Variants in PARD6G observed in about 807,000 individuals in gnomAD.
PARD6G encodes the protein partitioning defective 6 homolog gamma.
A neutral mutation model predicts 10.7 loss-of-function variants in PARD6G; 7 were observed. That is an observed-to-expected ratio of 0.66 (90% CI 0.37 to 1.23). The LOEUF is 1.23. Ranked by LOEUF, PARD6G falls within the 50% of genes most tolerant of loss-of-function variation. The pLI is 0.02. For synonymous variants in PARD6G, 287 were observed against 269.4 expected, an observed-to-expected ratio of 1.07 and a Z score of -0.64; for missense variants, 548 against 571.8, an observed-to-expected ratio of 0.96 and a Z score of 0.42.
chr18:80,190,715 T>C (rs569295659), intron 2 of PARD6G, among the ~76,000 whole-genome samples: 1 of 151,706 alleles, frequency 6.6e-6, no homozygotes, highest in South Asian at 2.1e-4. Flanking sequence ...ATTTGAGGAG[T>C]GGAGGGCAGG....
intron 1 of PARD6G, among the ~76,000 whole-genome samples, chr18:80,213,698 C>T (rs1471519337): frequency 1.3e-5 from 2 of 152,234 alleles, no homozygotes; most frequent in East Asian, 1.9e-4. Flanking sequence ...GTGGCTCACG[C>T]CTGTAATCCC....
chr18:80,215,026 TAA>T (rs57798275), intron 1 of PARD6G, among the ~76,000 whole-genome samples: 92 of 148,784 alleles, frequency 6.2e-4, no homozygotes, highest in Non-Finnish European at 4.9e-4. Context: ...GGCTTCTTGT[TAA>T]AAAAAAAAAA....
In PARD6G at chr18:80,202,909, G is replaced by A. The variant is rs371358745; in HGVS notation, c.96C>T (p.Phe32=). Reference sequence around the variant, plus strand: ...TCCCAGGCTTATGACGGTCCAGAGAGAACCTTCGGAATTCCGCCCCAAACT... The same window carrying A: ...TCCCAGGCTTATGACGGTCCAGAGAAAACCTTCGGAATTCCGCCCCAAACT... ...KSKFGAEFRR[F]SLDRHKPGKF... Residue 32 remains phenylalanine (F), a synonymous_variant, in exon 2 of 3, where the codon TTC becomes TTT. Coordinates refer to ENST00000353265, the MANE Select transcript of PARD6G (RefSeq NM_032510.4). 85 of 1,394,882 alleles carry A rather than the reference G, an allele frequency of 6.1e-5. No homozygotes were observed. The highest frequency in any genetic ancestry group is 7.8e-5 in the Non-Finnish European group (82 of 1,047,182). 86.4% of individuals were successfully genotyped at this position (1,394,882 alleles called of 1,614,324 possible).
chr18:80,203,614 G>A lies in PARD6G; in HGVS notation c.73-682C>T, dbSNP rs183456075. ...GGCATGAAAGGAGAATCCTTCCTCA[G>A]CAAGGTCCCTTGCCTCATCTGTGGT... On this transcript the variant is annotated intron_variant, in intron 1 of 2. Transcript: ENST00000353265. Among the ~76,000 whole-genome samples, 7 of 152,292 alleles carry A rather than the reference G, an allele frequency of 4.6e-5. No homozygotes were observed. In the East Asian group the frequency reaches 1.3e-3, roughly 29 times the overall value.
chr18:80,171,314 C>T (rs1488137016), intron 2 of PARD6G: 1 of 152,176 alleles, frequency 6.6e-6, no homozygotes. Context: ...GTGGGGGTCT[C>T]CACCCTCCTG....
chr18:80,225,501 G>A (rs1466025874), intron 1 of PARD6G, among the ~76,000 whole-genome samples: 1 of 152,148 alleles, frequency 6.6e-6, no homozygotes, highest in Non-Finnish European at 1.5e-5. Context: ...CCCCTTCACA[G>A]TTATCCTGCT....
rs564154233 is a variant in PARD6G at position 80,177,782 on chromosome 18, G to T, written c.296-17176C>A. On this transcript the variant is annotated intron_variant, in intron 2 of 2. Coordinates refer to ENST00000353265, the MANE Select transcript of PARD6G (RefSeq NM_032510.4). ...ACACGCACCCACGAGATAAATCAAT[G>T]CCCAAATGGGAAGCACACACACACA... Among the ~76,000 whole-genome samples, 260 of 150,640 alleles carry T rather than the reference G, an allele frequency of 1.7e-3. 4 individuals are homozygous for T. In the South Asian group the frequency reaches 0.019, roughly 11 times the overall value.
At chr18:80,216,083 A>C (rs1967162802) in intron 1 of PARD6G, among the ~76,000 whole-genome samples, 2 of 152,162 alleles carry the variant, frequency 1.3e-5, no homozygotes, top group African/African-American at 4.8e-5. Context: ...ACATATATAC[A>C]TGTGACAACG....
chr18:80,212,797 A>C (rs779273116), intron 1 of PARD6G, among the ~76,000 whole-genome samples: 4 of 152,104 alleles, frequency 2.6e-5, no homozygotes, highest in African/African-American at 9.7e-5. Flanking sequence ...AGACAGGAGA[A>C]TCACTTGAAC....
At chr18:80,212,231 C>T (rs1442715549) in intron 1 of PARD6G, among the ~76,000 whole-genome samples, 1 of 152,114 alleles carries the variant, frequency 6.6e-6, no homozygotes, top group Non-Finnish European at 1.5e-5. Context: ...TGAGTGTAAC[C>T]TGTGATGGAA....
chr18:80,225,371 C>T (rs1967279436), intron 1 of PARD6G, among the ~76,000 whole-genome samples: 3 of 152,142 alleles, frequency 2.0e-5, no homozygotes, highest in Admixed American at 2.0e-4. Context: ...ATGCAAAGGC[C>T]CATTGCCATG....
intron 2 of PARD6G, among the ~76,000 whole-genome samples, chr18:80,163,477 C>T (rs1202784191): frequency 6.6e-6 from 1 of 152,226 alleles, no homozygotes; most frequent in Non-Finnish European, 1.5e-5. Context: ...TCACCTCCCT[C>T]TGAGAGCCGC....
intron 1 of PARD6G, among the ~76,000 whole-genome samples, chr18:80,215,492 T>C (rs1233620423): frequency 6.6e-6 from 1 of 152,122 alleles, no homozygotes; most frequent in Admixed American, 6.5e-5. Context: ...ATACCACAAA[T>C]AATAGGGATG....
intron 2 of PARD6G, among the ~76,000 whole-genome samples, chr18:80,160,876 A>C (rs2052696292): frequency 6.6e-6 from 1 of 152,226 alleles, no homozygotes; most frequent in Non-Finnish European, 1.5e-5. Flanking sequence ...TGCAGCAGAG[A>C]GAATCAATGG....
At position 80,183,025 on chromosome 18, in the gene PARD6G, G is replaced by T. The variant is rs1195725386; in HGVS notation, c.295+19685C>A. On this transcript the variant is annotated intron_variant, in intron 2 of 2. Coordinates refer to ENST00000353265, the MANE Select transcript of PARD6G (RefSeq NM_032510.4). This position sits in a 1 kb window ranked among gnomAD's most constrained non-coding sequence, Gnocchi z 4.5. ...GAATGAGATGGCTGGGGTCTCATGA[G>T]GGGCCAGCTGCGTGGGCCATCCATT... The T allele has an allele frequency of 5.8e-6, 4 of 691,896 alleles. No homozygotes were observed. Among genetic ancestry groups the T allele is most frequent in the Non-Finnish European group, 1.1e-5 (4 of 378,542 alleles). 42.9% of individuals were successfully genotyped at this position (691,896 alleles called of 1,614,324 possible).
At chr18:80,224,833 T>C (rs145230357) in intron 1 of PARD6G, among the ~76,000 whole-genome samples, 60 of 148,308 alleles carry the variant, frequency 4.0e-4, no homozygotes, top group East Asian at 3.8e-3. Context: ...GTCGACAGAG[T>C]GAGACTCCGT....
chr18:80,246,891 C>T lies in PARD6G; in HGVS notation c.72+386G>A, dbSNP rs1397235313. Among the ~76,000 whole-genome samples, 1 of 152,088 alleles carries T rather than the reference C, an allele frequency of 6.6e-6. No homozygotes were observed. Among genetic ancestry groups the T allele is most frequent in the Non-Finnish European group, 1.5e-5 (1 of 67,982 alleles). On this transcript the variant is annotated intron_variant, in intron 1 of 2. Coordinates refer to ENST00000353265, the MANE Select transcript of PARD6G (RefSeq NM_032510.4). The surrounding 1 kb of genome is among the most constrained non-coding windows in gnomAD (Gnocchi z 6.7). ...ACGGCCCGGGCCCCCAGAGCCCCCC[C>T]ACGGCCCCGAATCCGAGCAGCCCCT...
intron 2 of PARD6G, among the ~76,000 whole-genome samples, chr18:80,195,544 G>GATAAATATATATATATATATATAT (rs1235414160): frequency 4.2e-5 from 1 of 23,686 alleles, no homozygotes; most frequent in Non-Finnish European, 8.9e-5. Flanking sequence ...AGTCTTCAAA[G>GATAAATATATATATATATATATAT]ATACATATAT....
intron 1 of PARD6G, among the ~76,000 whole-genome samples, chr18:80,238,525 TA>T (rs923293967): frequency 1.4e-5 from 2 of 147,402 alleles, no homozygotes; most frequent in Admixed American, 6.7e-5. Flanking sequence ...TAACCAAAAG[TA>T]AAAAAAATAA....
Sources: allele counts gnomAD v4.1 joint callset (sites outside exome capture counted in the v4.1 genomes callset), GRCh38; gene constraint gnomAD v4.1.1; non-coding constraint Gnocchi (gnomAD v3.1); transcripts MANE v1.5; gene names NCBI Gene and HGNC (gene_info 2026-07-23, HGNC 2026-07-21).